The following SCFD1 variants were observed in gnomAD, a reference collection of about 807,000 sequenced individuals.
The protein encoded by SCFD1 is sec1 family domain-containing protein 1.
In SCFD1, 37 loss-of-function variants were observed where a neutral mutation model predicts 103.2. The observed-to-expected ratio is 0.36, with a 90% CI of 0.28 to 0.47. SCFD1 has a LOEUF of 0.47. Ranked by LOEUF, SCFD1 falls within the 20% of genes least tolerant of loss-of-function variation. The pLI is 1.00. For synonymous variants in SCFD1, 264 were observed against 245.0 expected, an observed-to-expected ratio of 1.08 and a Z score of -0.73; for missense variants, 639 against 761.2, an observed-to-expected ratio of 0.84 and a Z score of 1.89.
At chr14:30,723,441 GT>G (rs1275523272) in intron 23 of SCFD1, among the ~76,000 whole-genome samples, 2 of 152,152 alleles carry the variant, frequency 1.3e-5, no homozygotes, top group Admixed American at 6.5e-5. Flanking sequence ...TACAAGTGCA[GT>G]TTTGCTACAT....
chr14:30,646,180 G>A (rs1252927240), intron 7 of SCFD1, among the ~76,000 whole-genome samples: 5 of 152,018 alleles, frequency 3.3e-5, no homozygotes, highest in African/African-American at 7.3e-5. Context: ...ATGCCACCAC[G>A]CCCAGCTAAT....
intron 14 of SCFD1, among the ~76,000 whole-genome samples, chr14:30,684,441 A>ATATG (rs1287995006): frequency 1.3e-5 from 2 of 152,212 alleles, no homozygotes; most frequent in Non-Finnish European, 2.9e-5. Context: ...CACAATCTGT[A>ATATG]TATGTATGTA....
chr14:30,713,911 C>T (rs1456624299), intron 19 of SCFD1, among the ~76,000 whole-genome samples: 1 of 152,096 alleles, frequency 6.6e-6, no homozygotes, highest in African/African-American at 2.4e-5. Context: ...GAATTCCTAA[C>T]TATAGTTTTC....
intron 17 of SCFD1, among the ~76,000 whole-genome samples, chr14:30,705,185 G>T (rs534285046): frequency 3.2e-4 from 49 of 152,228 alleles, no homozygotes; most frequent in Non-Finnish European, 5.9e-4. Context: ...ATCATTGAGT[G>T]GTAGAGTTAG....
chr14:30,665,461 A>G (rs1260319825), intron 10 of SCFD1, among the ~76,000 whole-genome samples: 3 of 152,226 alleles, frequency 2.0e-5, no homozygotes, highest in African/African-American at 4.8e-5. Context: ...AAGACCATAG[A>G]TGCTAGGAAG....
chr14:30,700,302 T>C (rs753626733), intron 16 of SCFD1, 44 bp downstream of exon 16: 2 of 1,180,846 alleles, frequency 1.7e-6, no homozygotes, highest in Non-Finnish European at 2.5e-6. Flanking sequence ...GAATGCTTGT[T>C]TGTAGACTAC....
intron 23 of SCFD1, 83 bp from the exon 24 acceptor site, chr14:30,734,707 A>G (rs1347124846): frequency 7.5e-6 from 8 of 1,069,616 alleles, no homozygotes; most frequent in Non-Finnish European, 1.2e-5. Flanking sequence ...TAACAAAAAA[A>G]CTAGCATATT....
intron 10 of SCFD1, 101 bp downstream of exon 10, chr14:30,653,689 G>T: frequency 1.3e-6 from 1 of 758,262 alleles, no homozygotes; most frequent in Non-Finnish European, 2.2e-6. Context: ...AAAATGAGAA[G>T]GATGGAACTG....
At chr14:30,730,903 T>C (rs975335481) in intron 23 of SCFD1, among the ~76,000 whole-genome samples, 2 of 152,172 alleles carry the variant, frequency 1.3e-5, no homozygotes, top group Non-Finnish European at 2.9e-5. Flanking sequence ...GCTTTTGGTG[T>C]TTTAGACATG....
intron 10 of SCFD1, among the ~76,000 whole-genome samples, chr14:30,655,049 T>G (rs1247782459): frequency 2.6e-5 from 4 of 152,192 alleles, no homozygotes; most frequent in African/African-American, 9.7e-5. Flanking sequence ...ACAATAGCTT[T>G]CCTGTCTTTC....
At chr14:30,661,545 ATCTCT>A (rs1332813440) in intron 10 of SCFD1, among the ~76,000 whole-genome samples, 4 of 152,102 alleles carry the variant, frequency 2.6e-5, no homozygotes, top group African/African-American at 9.7e-5. Context: ...AAAGCTTCTG[ATCTCT>A]TCTCATTGAG....
At chr14:30,716,061 T>C in intron 20 of SCFD1, 84 bp downstream of exon 20, 2 of 797,064 alleles carry the variant, frequency 2.5e-6, no homozygotes, top group South Asian at 3.1e-5. Flanking sequence ...CAGATTGAGT[T>C]CCTTGTGAGC....
At chr14:30,627,745 GAAAAAAAAAA>G (rs11312585) in intron 1 of SCFD1, among the ~76,000 whole-genome samples, 2 of 79,474 alleles carry the variant, frequency 2.5e-5, no homozygotes, top group Non-Finnish European at 5.1e-5. Context: ...CTCTGTCTCA[GAAAAAAAAAA>G]AAAAAAAAAA....
At chr14:30,682,243 T>C (rs11156637) in intron 14 of SCFD1, among the ~76,000 whole-genome samples, 40,683 of 152,108 alleles carry the variant, frequency 0.27, 5,933 homozygotes, top group East Asian at 0.62. Context: ...CTCACCTTGA[T>C]AGTATACTGT....
chr14:30,659,341 TG>T (rs1887222534), intron 10 of SCFD1, among the ~76,000 whole-genome samples: 1 of 152,156 alleles, frequency 6.6e-6, no homozygotes, highest in Admixed American at 6.5e-5. Context: ...AGATATTAGA[TG>T]TTTTCTTTTC....
intron 7 of SCFD1, 135 bp from the exon 8 acceptor site, chr14:30,649,393 A>T: frequency 1.5e-6 from 1 of 648,126 alleles, no homozygotes; most frequent in South Asian, 2.0e-5. Flanking sequence ...ATGTGGAAAA[A>T]TAAATACATA....
intron 23 of SCFD1, among the ~76,000 whole-genome samples, chr14:30,724,078 A>T (rs1351409344): frequency 1.1e-5 from 1 of 89,310 alleles, no homozygotes; most frequent in Admixed American, 1.3e-4. Context: ...ATCTTAAAAA[A>T]AAAAAAAAAA....
chr14:30,631,124 C>T (rs1884072438), intron 3 of SCFD1, among the ~76,000 whole-genome samples: 1 of 152,072 alleles, frequency 6.6e-6, no homozygotes, highest in African/African-American at 2.4e-5. Context: ...GAGGCCAAGG[C>T]GGGCAAATCA....
intron 14 of SCFD1, chr14:30,676,779 TAAA>T (rs1889068305): frequency 2.0e-5 from 3 of 152,140 alleles, no homozygotes; most frequent in Non-Finnish European, 4.4e-5. Context: ...TGTTTTAAAA[TAAA>T]GAAGACTGTG....
Sources: allele counts gnomAD v4.1 joint callset (sites outside exome capture counted in the v4.1 genomes callset), GRCh38; gene constraint gnomAD v4.1.1; transcripts MANE v1.5; gene names NCBI Gene and HGNC (gene_info 2026-07-23, HGNC 2026-07-21).